The following PAX5 variants were observed in gnomAD, a reference collection of about 807,000 sequenced individuals.
PAX5 encodes paired box 5.
In PAX5, 9 loss-of-function variants were observed where a neutral mutation model predicts 43.7. The observed-to-expected ratio is 0.21, with a 90% CI of 0.12 to 0.36. PAX5 has a LOEUF of 0.36. PAX5 is among the 10% of genes least tolerant of loss of function. The probability of loss-of-function intolerance (pLI) is 1.00; values close to 1 mark genes in which losing one functional copy is unlikely to be tolerated. For synonymous variants in PAX5, 228 were observed against 214.3 expected, an observed-to-expected ratio of 1.06 and a Z score of -0.56; for missense variants, 383 against 532.7, an observed-to-expected ratio of 0.72 and a Z score of 2.77.
At chr9:36,987,416 G>A (rs1836524399) in intron 5 of PAX5, among the ~76,000 whole-genome samples, 1 of 152,198 alleles carries the variant, frequency 6.6e-6, no homozygotes. Context: ...TACTCTCATA[G>A]GCAAGAGAGC....
At chr9:36,936,852 A>ACACACACACACACG (rs1563986708) in intron 6 of PAX5, among the ~76,000 whole-genome samples, 3 of 14,252 alleles carry the variant, frequency 2.1e-4, no homozygotes, top group African/African-American at 2.8e-4. Context: ...ACACACATGC[A>ACACACACACACACG]CACACACACA....
Position 36,846,861 on chromosome 9 carries a change from G to A in PAX5, c.1081C>T (p.Pro361Ser), listed in dbSNP as rs777464393. 2.0e-5 allele frequency: 33 copies of A among 1,613,920 alleles called. No homozygotes were observed. The highest frequency in any genetic ancestry group is 2.6e-5 in the Non-Finnish European group (31 of 1,179,894). The change falls in exon 9 of 10, where the codon CCC becomes TCC. Residue 361 changes from proline (P) to serine (S), a missense_variant. Pro to Ser is a moderately conservative substitution (Grantham distance 74). Transcript: ENST00000358127. The part of the protein sequence containing the change: ...YSSYNDSWRF[P>S]NPGLLGSPYY... ...TACTCACCAAGCAGCCCCGGGTTGG[G>A]GAACCTCCAGGAGTCGTTGTACGAG...
At chr9:36,985,649 T>C (rs1376351166) in intron 5 of PAX5, among the ~76,000 whole-genome samples, 1 of 152,098 alleles carries the variant, frequency 6.6e-6, no homozygotes, top group Non-Finnish European at 1.5e-5. Flanking sequence ...CAAGAAGAGC[T>C]TTCTGAGGCC....
At position 36,966,645 on chromosome 9, in the gene PAX5, C is replaced by T; in HGVS notation, c.684G>A (p.Leu228=). 6.2e-7 allele frequency: 1 copy of T among 1,614,254 alleles called. No homozygotes were observed. The highest frequency in any genetic ancestry group is 2.2e-5 in the East Asian group (1 of 44,894). ...GCACCTCCAGCTGCTGCTGTGTGAA[C>T]AAGTCTCCCCGCATCTGCTTCCGGA... The part of the protein sequence containing the change: ...DFLRKQMRGD[L]FTQQQLEVLD... The change falls in exon 6 of 10, where the codon TTG becomes TTA. Residue 228 remains leucine (L), a synonymous_variant. Transcript: ENST00000358127.
chr9:36,919,966 A>G (rs1023875363), intron 7 of PAX5, among the ~76,000 whole-genome samples: 2 of 152,168 alleles, frequency 1.3e-5, no homozygotes, highest in Non-Finnish European at 2.9e-5. Flanking sequence ...GAGGGCTGAA[A>G]ATGACTCACT....
At chr9:36,841,144 C>A (rs549961510) in intron 9 of PAX5, among the ~76,000 whole-genome samples, 3 of 152,366 alleles carry the variant, frequency 2.0e-5, no homozygotes, top group African/African-American at 7.2e-5. Context: ...CAGCCAGCAT[C>A]TCTGAATTCA....
intron 3 of PAX5, among the ~76,000 whole-genome samples, chr9:37,011,240 C>T (rs1307886989): frequency 6.6e-6 from 1 of 152,166 alleles, no homozygotes; most frequent in Non-Finnish European, 1.5e-5. Context: ...AGGGCCACCT[C>T]CAGCCCGGGA....
intron 6 of PAX5, among the ~76,000 whole-genome samples, chr9:36,955,277 A>T (rs1833351616): frequency 6.6e-6 from 1 of 152,070 alleles, no homozygotes; most frequent in African/African-American, 2.4e-5. Context: ...GAGCTTATTT[A>T]GTAGTTATTA....
intron 5 of PAX5, among the ~76,000 whole-genome samples, chr9:37,000,792 G>A (rs1411453724): frequency 6.6e-6 from 1 of 152,148 alleles, no homozygotes; most frequent in African/African-American, 2.4e-5. Context: ...TTTTTAAACT[G>A]AGGTGAAATC....
chr9:36,945,005 C>A (rs117083486), intron 6 of PAX5, among the ~76,000 whole-genome samples: 1 of 152,148 alleles, frequency 6.6e-6, no homozygotes, highest in Admixed American at 6.5e-5. Context: ...GCAGAGTGAG[C>A]CTTGCAACTA....
At chr9:36,863,442 A>G (rs960723157) in intron 8 of PAX5, among the ~76,000 whole-genome samples, 5 of 152,092 alleles carry the variant, frequency 3.3e-5, no homozygotes, top group Non-Finnish European at 5.9e-5. Context: ...ACTTACATTT[A>G]TTTAGTGTCA....
chr9:37,022,402 G>T (rs1489679464), intron 1 of PAX5, among the ~76,000 whole-genome samples: 1 of 152,216 alleles, frequency 6.6e-6, no homozygotes, highest in Non-Finnish European at 1.5e-5. Flanking sequence ...TTCTGGGGCT[G>T]GGAACACCTA....
chr9:36,941,532 C>T (rs73455418), intron 6 of PAX5, among the ~76,000 whole-genome samples: 1 of 152,176 alleles, frequency 6.6e-6, no homozygotes, highest in South Asian at 2.1e-4. Flanking sequence ...CAAGCACAAC[C>T]ATTTGAAATG....
chr9:37,006,946 A>G (rs773704858), intron 3 of PAX5, among the ~76,000 whole-genome samples: 2 of 152,158 alleles, frequency 1.3e-5, no homozygotes, highest in Non-Finnish European at 2.9e-5. Flanking sequence ...TATATGTGGA[A>G]TGAAGGAACT....
chr9:36,936,906 C>T (rs962810905), intron 6 of PAX5, among the ~76,000 whole-genome samples: 43 of 152,214 alleles, frequency 2.8e-4, no homozygotes, highest in African/African-American at 9.9e-4. Flanking sequence ...TCTGCCCTTC[C>T]GCTCCCTGTC....
intron 1 of PAX5, among the ~76,000 whole-genome samples, chr9:37,026,943 C>G (rs1046427714): frequency 6.6e-6 from 1 of 152,226 alleles, no homozygotes; most frequent in Non-Finnish European, 1.5e-5. Flanking sequence ...AGCCCCCGGC[C>G]CCAGGAAGGA....
At chr9:36,974,539 G>T (rs1326198385) in intron 5 of PAX5, among the ~76,000 whole-genome samples, 1 of 152,112 alleles carries the variant, frequency 6.6e-6, no homozygotes, top group East Asian at 1.9e-4. Flanking sequence ...GGCAACGCTG[G>T]GATTTGTACC....
rs1277165860 is a variant in PAX5 at position 36,833,272 on chromosome 9, T to C, written c.*7288A>G. 4.3e-6 allele frequency: 1 copy of C among 229,902 alleles called. No homozygotes were observed. Among genetic ancestry groups the C allele is most frequent in the Admixed American group, 5.7e-5 (1 of 17,682 alleles). The allele number at this position is 229,902 out of a possible 1,614,324, so 14.2% of individuals were successfully genotyped here. On this transcript the variant is annotated 3_prime_UTR_variant, in exon 10 of 10. Transcript: ENST00000358127. ...AAAAACAAACAAGATCAAATTCTTT[T>C]TCTGAACTTAAAAAATTACTTTTAT...
chr9:36,979,865 G>C lies in PAX5; in HGVS notation c.605-13141C>G, dbSNP rs550874438. ...GGAGCTTGGAGTGGATTCCAAGCCT[G>C]TCTACAGCTCCTTGTGCAGCTTGGA... On this transcript the variant is annotated intron_variant, in intron 5 of 9. Coordinates refer to ENST00000358127, the MANE Select transcript of PAX5 (RefSeq NM_016734.3). Among the ~76,000 whole-genome samples, 3 of 152,324 alleles carry C rather than the reference G, an allele frequency of 2.0e-5. No individual in the cohort carries two copies. In the East Asian group the frequency reaches 5.8e-4, roughly 29 times the overall value.
Sources: gnomAD v4.1 joint callset for allele counts (sites outside exome capture counted in the v4.1 genomes callset) on GRCh38, gnomAD v4.1.1 for gene constraint, MANE v1.5 for transcripts, NCBI Gene and HGNC (gene_info 2026-07-23, HGNC 2026-07-21) for gene names.